PHF19: variants seen among roughly 807,000 people sequenced by gnomAD.
PHF19 encodes polycomb like 3.
PHF19 carries 21 observed loss-of-function variants against 79.8 expected under a neutral mutation model. The ratio of observed to expected loss-of-function variants is 0.26; its 90% confidence interval spans 0.19 to 0.38. The LOEUF is 0.38. Among genes scored for constraint, PHF19 ranks in the 10% least tolerant of loss-of-function variants. PHF19 has a pLI of 1.00. For missense variants in PHF19, 445 were observed against 744.2 expected, an observed-to-expected ratio of 0.60 and a Z score of 4.68; for synonymous variants, 273 against 296.3, an observed-to-expected ratio of 0.92 and a Z score of 0.81.
Position 120,864,125 on chromosome 9 carries a change from G to C in PHF19, c.901-9C>G. On this transcript the variant is annotated splice_polypyrimidine_tract_variant and intron_variant, in intron 9 of 14. Transcript: ENST00000373896. ...ACTGGGGTGCTGGTGAGCTGTGGGA[G>C]AGCAGGCCAGCAGGACATCAGACCC... is the stretch of plus-strand genomic sequence containing the variant. 6.2e-7 allele frequency: 1 copy of C among 1,613,156 alleles called. No individual in the cohort carries two copies.
chr9:120,864,216 G>C, intron 9 of PHF19, 100 bp from the exon 10 acceptor site: 1 of 963,674 alleles, frequency 1.0e-6, no homozygotes, highest in Non-Finnish European at 1.6e-6. Context: ...ATGCTTCTGA[G>C]TCCTTCAGGT....
chr9:120,862,369 G>A lies in PHF19; in HGVS notation c.1130+219C>T, dbSNP rs1026469654. 6.6e-6 allele frequency among the ~76,000 whole-genome samples: 1 copy of A among 152,214 alleles called. No homozygotes were observed. The highest frequency in any genetic ancestry group is 1.5e-5 in the Non-Finnish European group (1 of 68,036). Reference sequence around the variant, plus strand: ...GCCCAAGTCCTAATCCAGCAAGGCTGGGTCCTCAGATCTGGCTTTTCCTCC... The same window carrying A: ...GCCCAAGTCCTAATCCAGCAAGGCTAGGTCCTCAGATCTGGCTTTTCCTCC... On this transcript the variant is annotated intron_variant, in intron 11 of 14. Coordinates refer to ENST00000373896, the MANE Select transcript of PHF19 (RefSeq NM_015651.3). This position sits in a 1 kb window ranked among gnomAD's most constrained non-coding sequence, Gnocchi z 4.6.
At chr9:120,858,811 TCACACACACACACACACACA>T (rs56042039) in intron 14 of PHF19, among the ~76,000 whole-genome samples, 1 of 122,802 alleles carries the variant, frequency 8.1e-6, no homozygotes, top group South Asian at 3.0e-4. Context: ...CTGACAGACA[TCACACACACACACACACACA>T]CACACACACA....
rs1251800439 is a variant in PHF19, at chr9:120,858,123, A to G, written c.1564T>C (p.Phe522Leu). The G allele has an allele frequency of 6.2e-7, 1 of 1,613,952 alleles. No homozygotes were observed. Among genetic ancestry groups the G allele is most frequent in the East Asian group, 2.2e-5 (1 of 44,894 alleles). The change falls in exon 15 of 15, where the codon TTT becomes CTT. Residue 522 changes from phenylalanine (F) to leucine (L), a missense_variant. Phe to Leu is a conservative substitution (Grantham distance 22). Coordinates refer to ENST00000373896, the MANE Select transcript of PHF19 (RefSeq NM_015651.3). The stretch of plus-strand genomic sequence containing the variant: ...GAGTCATCTTCACTGATGCTCTCAA[A>G]TGTGTGGCTGTCAATGCCTTCGTCT... ...RPDEGIDSHT[F>L]ESISEDDSSL...
At chr9:120,896,643 C>T (rs1292370695), upstream of PHF19, among the ~76,000 whole-genome samples, 2 of 151,802 alleles carry the variant, frequency 1.3e-5, no homozygotes, top group African/African-American at 4.8e-5. Flanking sequence ...TTAGTAGAGA[C>T]GGGGTTTCAC....
At chr9:120,867,178 C>T (rs1379628928) in intron 6 of PHF19, among the ~76,000 whole-genome samples, 1 of 152,172 alleles carries the variant, frequency 6.6e-6, no homozygotes, top group Non-Finnish European at 1.5e-5. Flanking sequence ...GACACTGTCC[C>T]CATATTACAG....
the PHF19 span, among the ~76,000 whole-genome samples, chr9:120,900,961 G>T: frequency 6.6e-6 from 1 of 152,236 alleles, no homozygotes; most frequent in Admixed American, 6.5e-5. Flanking sequence ...GTTGCCTGAG[G>T]ATTGCCTGTG....
chr9:120,866,084 G>A lies in PHF19; in HGVS notation c.723C>T (p.Phe241=), dbSNP rs2045690647. Residue 241 remains phenylalanine, a synonymous_variant, in exon 8 of 15, where the codon TTC becomes TTT. Transcript: ENST00000373896. The surrounding 1 kb of genome is among the most constrained non-coding windows in gnomAD (Gnocchi z 5.2). The part of the protein sequence containing the change: ...PMMFGDRFYL[F]FCSVCNQGPE... ...GGCCCTGGTTACACACGGAGCAGAAGAACAGGTAAAACCTGTGGGTGGGTA... is the reference window on the plus strand; with the variant it reads ...GGCCCTGGTTACACACGGAGCAGAAAAACAGGTAAAACCTGTGGGTGGGTA... 4 of 1,613,864 alleles carry A rather than the reference G, an allele frequency of 2.5e-6. No individual in the cohort carries two copies. Among genetic ancestry groups the A allele is most frequent in the Non-Finnish European group, 3.4e-6 (4 of 1,179,818 alleles).
chr9:120,885,418 A>G (rs1230076452), intron 1 of PHF19, among the ~76,000 whole-genome samples: 4 of 152,126 alleles, frequency 2.6e-5, no homozygotes, highest in African/African-American at 9.7e-5. Context: ...TCTCTACTAA[A>G]AGTACAAAAA....
At position 120,861,975 on chromosome 9, in the gene PHF19, T is replaced by C; in HGVS notation, c.1161A>G (p.Lys387=). ...ATCTTTTTCTTCTATAAACTCGCCT[T>C]TTCTGCTGCTGGAATTCGTGAGGCA... ...GLLPHEFQQQ[K]RRVYRRKRSK... is the part of the protein sequence containing the mutation. The change falls in exon 12 of 15, where the codon AAA becomes AAG. Residue 387 remains lysine, a synonymous_variant. Coordinates refer to ENST00000373896, the MANE Select transcript of PHF19 (RefSeq NM_015651.3). 6.2e-7 allele frequency: 1 copy of C among 1,613,988 alleles called. No homozygotes were observed. The highest frequency in any genetic ancestry group is 1.1e-5 in the South Asian group (1 of 91,078).
intron 1 of PHF19, among the ~76,000 whole-genome samples, chr9:120,892,379 CCT>C (rs1254087883): frequency 5.9e-5 from 9 of 152,144 alleles, no homozygotes; most frequent in Admixed American, 3.3e-4. Context: ...GGAAACGGCC[CCT>C]GAGACTTGTG....
rs979752956 is a variant in PHF19, at chr9:120,857,182, C to G, written c.*762G>C. The G allele has an allele frequency of 6.7e-6, 1 of 149,194 alleles. No individual in the cohort carries two copies. The highest frequency in any genetic ancestry group is 2.5e-5 in the African/African-American group (1 of 40,408). 9.2% of individuals were successfully genotyped at this position (149,194 alleles called of 1,614,324 possible). The stretch of plus-strand genomic sequence containing the variant: ...GTTTGGAAGGATGCCTCCATTCCAG[C>G]AAGGCCAGGCCCAGCTCTATGGCGA... On this transcript the variant is annotated 3_prime_UTR_variant, in exon 15 of 15. Coordinates refer to ENST00000373896, the MANE Select transcript of PHF19 (RefSeq NM_015651.3).
chr9:120,890,456 G>T (rs1472104995), intron 1 of PHF19, among the ~76,000 whole-genome samples: 6 of 152,034 alleles, frequency 3.9e-5, no homozygotes, highest in African/African-American at 9.7e-5. Context: ...GCTGTTGGGG[G>T]ATGCAGGCCG....
chr9:120,867,230 G>A (rs1416321266), intron 6 of PHF19, among the ~76,000 whole-genome samples: 1 of 152,246 alleles, frequency 6.6e-6, no homozygotes, highest in African/African-American at 2.4e-5. Flanking sequence ...TCACAGGCAA[G>A]TGGAGGATGG....
intron 6 of PHF19, among the ~76,000 whole-genome samples, chr9:120,867,948 G>GA (rs2045752508): frequency 6.6e-6 from 1 of 152,360 alleles, no homozygotes; most frequent in African/African-American, 2.4e-5. Context: ...AGGTCGGCAA[G>GA]GAAGAATCAA....
Position 120,870,408 on chromosome 9 carries a change from CG to C in PHF19, c.364+34del. 1.5e-6 allele frequency: 2 copies of C among 1,344,390 alleles called. No homozygotes were observed. Among genetic ancestry groups the C allele is most frequent in the Non-Finnish European group, 2.1e-6 (2 of 934,554 alleles). 83.3% of individuals were successfully genotyped at this position (1,344,390 alleles called of 1,614,324 possible). A position where few individuals can be genotyped will look rare whatever the true frequency, so the allele number is the denominator to read the frequency against. On this transcript the variant is annotated intron_variant, in intron 4 of 14. Coordinates refer to ENST00000373896, the MANE Select transcript of PHF19 (RefSeq NM_015651.3). The surrounding 1 kb of genome is among the most constrained non-coding windows in gnomAD (Gnocchi z 4.4). ...GGCCAGTGCGTGGGGACCTATAGGT[CG>C]GGGCCTTCTCAGGGCCCTGCTCGCT...
rs1045442788 is a variant in PHF19, at chr9:120,870,577, G to A, written c.269-39C>T. The A allele has an allele frequency of 2.5e-6, 3 of 1,221,846 alleles. No homozygotes were observed. The highest frequency in any genetic ancestry group is 3.6e-6 in the Non-Finnish European group (3 of 822,196). 75.7% of individuals were successfully genotyped at this position (1,221,846 alleles called of 1,614,324 possible). ...CCTCGAGGGTCGGGTCCAGCTCACA[G>A]GAATGGAAGTTTTATACTCACATTC... is the stretch of plus-strand genomic sequence containing the variant. On this transcript the variant is annotated intron_variant, in intron 3 of 14. Coordinates refer to ENST00000373896, the MANE Select transcript of PHF19 (RefSeq NM_015651.3). This position sits in a 1 kb window ranked among gnomAD's most constrained non-coding sequence, Gnocchi z 4.4.
rs554323579 is a variant in PHF19, at chr9:120,862,949, C to T, written c.969-200G>A. Reference sequence around the variant, plus strand: ...CAGCTGAGAACACGGCTGGTGCCTCCTCCCTGTGCTTCCTCCTGCATGAGT... The same window carrying T: ...CAGCTGAGAACACGGCTGGTGCCTCTTCCCTGTGCTTCCTCCTGCATGAGT... On this transcript the variant is annotated intron_variant, in intron 10 of 14. Transcript: ENST00000373896. This position sits in a 1 kb window ranked among gnomAD's most constrained non-coding sequence, Gnocchi z 4.6. 131 of 578,922 alleles carry T rather than the reference C, an allele frequency of 2.3e-4. 2 individuals carry two copies. Among genetic ancestry groups the T allele is most frequent in the Non-Finnish European group, 6.5e-5 (21 of 322,608 alleles). The allele number at this position is 578,922 out of a possible 1,614,324, so 35.9% of individuals were successfully genotyped here.
chr9:120,901,255 C>T, the PHF19 span, among the ~76,000 whole-genome samples: 5 of 151,892 alleles, frequency 3.3e-5, no homozygotes, highest in Non-Finnish European at 7.4e-5. Context: ...TGCAGTGGTG[C>T]GACCTCAGCT....
Sources: gnomAD v4.1 joint callset for allele counts (sites outside exome capture counted in the v4.1 genomes callset) on GRCh38, gnomAD v4.1.1 for gene constraint, Gnocchi (gnomAD v3.1) non-coding constraint, MANE v1.5 for transcripts, NCBI Gene and HGNC (gene_info 2026-07-23, HGNC 2026-07-21) for gene names.